PHACTR1: variants seen among roughly 807,000 people sequenced by gnomAD.
PHACTR1 encodes RPEL repeat containing 1.
PHACTR1 carries 16 observed loss-of-function variants against 69.2 expected under a neutral mutation model. The observed-to-expected ratio is 0.23, with a 90% confidence interval of 0.16 to 0.35. PHACTR1 has a LOEUF of 0.35. Among genes scored for constraint, PHACTR1 ranks in the 10% least tolerant of loss-of-function variants. The pLI, the probability that PHACTR1 is intolerant of heterozygous loss-of-function variation, is 1.00. For synonymous variants in PHACTR1, 312 were observed against 284.5 expected (o/e 1.10, Z -0.97); for missense variants, 510 against 734.7 (o/e 0.69, Z 3.54).
At chr6:13,280,197 AC>A (rs1161400781) in intron 12 of PHACTR1, 2 of 152,166 alleles carry the variant, frequency 1.3e-5, no homozygotes, top group Non-Finnish European at 2.9e-5. Context: ...AGGGATGGGG[AC>A]CCCAAATAGT....
chr6:13,115,647 C>G (rs927086912), intron 5 of PHACTR1, among the ~76,000 whole-genome samples: 1 of 152,160 alleles, frequency 6.6e-6, no homozygotes, highest in African/African-American at 2.4e-5. Context: ...AAGGTTGCCA[C>G]AGTCGAAGCT....
intron 7 of PHACTR1, chr6:13,184,976 C>A: frequency 7.3e-7 from 1 of 1,366,384 alleles, no homozygotes; most frequent in Non-Finnish European, 9.8e-7. Flanking sequence ...CCTCCCAAAC[C>A]CACTACCAGG....
intron 5 of PHACTR1, among the ~76,000 whole-genome samples, chr6:13,099,288 C>G (rs758873884): frequency 6.6e-6 from 1 of 152,254 alleles, no homozygotes; most frequent in Non-Finnish European, 1.5e-5. Context: ...GTCTCCTCTT[C>G]TGATGATCTA....
chr6:13,184,612 C>G (rs1198577974), intron 7 of PHACTR1, among the ~76,000 whole-genome samples: 1 of 152,236 alleles, frequency 6.6e-6, no homozygotes, highest in African/African-American at 2.4e-5. Flanking sequence ...TCTGCCTCCT[C>G]TCTCTGTCCT....
intron 4 of PHACTR1, among the ~76,000 whole-genome samples, chr6:13,009,528 C>T (rs1185082527): frequency 6.6e-6 from 1 of 152,068 alleles, no homozygotes; most frequent in Non-Finnish European, 1.5e-5. Flanking sequence ...AGAGTTAAAG[C>T]ACTTTTGTGA....
intron 4 of PHACTR1, among the ~76,000 whole-genome samples, chr6:12,807,514 G>A (rs1415911134): frequency 6.6e-6 from 1 of 152,144 alleles, no homozygotes; most frequent in African/African-American, 2.4e-5. Flanking sequence ...GAGAAAGATA[G>A]GGCAGAGAGT....
At chr6:12,816,700 T>C (rs895757416) in intron 4 of PHACTR1, among the ~76,000 whole-genome samples, 2 of 152,272 alleles carry the variant, frequency 1.3e-5, no homozygotes, top group Non-Finnish European at 2.9e-5. Flanking sequence ...CTTTGATTTT[T>C]GTTGCCTTTG....
intron 3 of PHACTR1, among the ~76,000 whole-genome samples, chr6:12,746,579 T>C (rs1161466448): frequency 6.6e-6 from 1 of 152,220 alleles, no homozygotes; most frequent in Non-Finnish European, 1.5e-5. Flanking sequence ...AGTATTTCTA[T>C]GCCCATTTTT....
At chr6:12,757,421 G>A (rs1767460229) in intron 4 of PHACTR1, among the ~76,000 whole-genome samples, 1 of 152,170 alleles carries the variant, frequency 6.6e-6, no homozygotes, top group Non-Finnish European at 1.5e-5. Flanking sequence ...GTGAAGTGTG[G>A]AGCACTGCAG....
At chr6:12,870,028 C>T (rs1334697336) in intron 4 of PHACTR1, among the ~76,000 whole-genome samples, 3 of 151,926 alleles carry the variant, frequency 2.0e-5, no homozygotes, top group Non-Finnish European at 4.4e-5. Context: ...GGCTAAGTGC[C>T]TGTAACAAGC....
chr6:12,993,041 T>G (rs531838603), intron 4 of PHACTR1, among the ~76,000 whole-genome samples: 1 of 152,318 alleles, frequency 6.6e-6, no homozygotes, highest in Non-Finnish European at 1.5e-5. Flanking sequence ...ATGTTGAACA[T>G]GCCTAGCCCC....
intron 4 of PHACTR1, among the ~76,000 whole-genome samples, chr6:13,043,385 C>T (rs1365053259): frequency 6.6e-6 from 1 of 151,992 alleles, no homozygotes; most frequent in African/African-American, 2.4e-5. Flanking sequence ...GGAGATAGAG[C>T]CACTGAACTC....
rs556565848 is a variant in PHACTR1 at position 13,195,791 on chromosome 6, G to T, written c.665-10024G>T. ...AAAAAAAAAAAAAAAGTTCATTTGT[G>T]GTGGTAAGAAGAGAGGTTAGAGGTG... is the stretch of plus-strand genomic sequence containing the variant. On this transcript the variant is annotated intron_variant, in intron 7 of 14. Transcript: ENST00000332995. Among the ~76,000 whole-genome samples, 22 of 96,872 alleles carry T rather than the reference G, an allele frequency of 2.3e-4. 1 individual carries two copies. The South Asian group carries it at 5.9e-3, about 26-fold the overall frequency. The allele number at this position is 96,872 out of a possible 152,430, so 63.6% of individuals were successfully genotyped here. A position where few individuals can be genotyped will look rare whatever the true frequency, so the allele number is the denominator to read the frequency against.
At chr6:13,022,366 CA>C (rs1478137085) in intron 4 of PHACTR1, among the ~76,000 whole-genome samples, 9 of 152,158 alleles carry the variant, frequency 5.9e-5, no homozygotes, top group African/African-American at 2.2e-4. Context: ...CTATCTAGAT[CA>C]GGGGTTAGTA....
At position 12,723,962 on chromosome 6, in the gene PHACTR1, G is replaced by A. The variant is rs183522385; in HGVS notation, c.103+5115G>A. ...CAGCATCATGCAGCTATTCTTCCCC[G>A]AATAACTTTCTCTATCTAGGTCTTC... is the stretch of plus-strand genomic sequence containing the variant. On this transcript the variant is annotated intron_variant, in intron 3 of 14. Transcript: ENST00000332995. Among the ~76,000 whole-genome samples, 279 of 152,260 alleles carry A rather than the reference G, an allele frequency of 1.8e-3. 1 individual carries two copies. Among genetic ancestry groups the A allele is most frequent in the Admixed American group, 4.1e-3 (63 of 15,290 alleles).
At chr6:12,954,836 G>T (rs1221793513) in intron 4 of PHACTR1, among the ~76,000 whole-genome samples, 1 of 152,136 alleles carries the variant, frequency 6.6e-6, no homozygotes, top group African/African-American at 2.4e-5. Flanking sequence ...GTGCAAGTAG[G>T]GATAGACAAA....
chr6:13,141,661 A>T (rs1246341332), intron 5 of PHACTR1, among the ~76,000 whole-genome samples: 1 of 150,954 alleles, frequency 6.6e-6, no homozygotes, highest in Non-Finnish European at 1.5e-5. Context: ...TTTGAGTAGC[A>T]CTGTGCTTTT....
intron 4 of PHACTR1, among the ~76,000 whole-genome samples, chr6:12,966,223 A>G (rs1399449187): frequency 6.6e-6 from 1 of 152,180 alleles, no homozygotes; most frequent in Non-Finnish European, 1.5e-5. Context: ...CTGGGGGCAG[A>G]CGGGCCAGCT....
chr6:12,741,841 T>C (rs542731900), intron 3 of PHACTR1, among the ~76,000 whole-genome samples: 72 of 152,228 alleles, frequency 4.7e-4, no homozygotes, highest in Admixed American at 1.6e-3. Flanking sequence ...TTTGACAAGA[T>C]TGATGCCTTG....
Sources: gnomAD v4.1 joint callset for allele counts (sites outside exome capture counted in the v4.1 genomes callset) on GRCh38, gnomAD v4.1.1 for gene constraint, MANE v1.5 for transcripts, NCBI Gene and HGNC (gene_info 2026-07-23, HGNC 2026-07-21) for gene names.